The following TMEM45A variants were observed in gnomAD, a reference collection of about 807,000 sequenced individuals.
The protein encoded by TMEM45A is transmembrane protein 45A, also known as DNA polymerase-transactivated protein 4.
In TMEM45A, 25 loss-of-function variants were observed where a neutral mutation model predicts 32.0. The ratio of observed to expected loss-of-function variants is 0.78; its 90% CI spans 0.57 to 1.09. The LOEUF (loss-of-function observed/expected upper bound fraction) is 1.09. TMEM45A is among the 50% of genes least tolerant of loss of function. The probability of loss-of-function intolerance (pLI) is 0.00; values close to 1 mark genes in which losing one functional copy is unlikely to be tolerated. For missense variants in TMEM45A, 302 were observed against 325.0 expected (o/e 0.93, Z 0.54); for synonymous variants, 122 against 114.8 (o/e 1.06, Z -0.40).
intron 1 of TMEM45A, among the ~76,000 whole-genome samples, chr3:100,506,678 A>T (rs879288176): frequency 2.0e-4 from 30 of 152,208 alleles, no homozygotes; most frequent in Non-Finnish European, 2.1e-4. Context: ...TTGCCATTGC[A>T]TTATGGTAAG....
chr3:100,519,181 T>G, intron 1 of TMEM45A: 1 of 190,566 alleles, frequency 5.2e-6, no homozygotes, highest in East Asian at 1.2e-4. Flanking sequence ...AAGAGAGTTT[T>G]CTGGAGCTGT....
chr3:100,561,174 A>G (rs376563672), intron 4 of TMEM45A, among the ~76,000 whole-genome samples: 6 of 152,214 alleles, frequency 3.9e-5, no homozygotes, highest in African/African-American at 1.4e-4. Context: ...CTCTGAAACA[A>G]AACTGTCTAG....
chr3:100,540,837 G>C (rs1447018864), intron 1 of TMEM45A, among the ~76,000 whole-genome samples: 1 of 151,940 alleles, frequency 6.6e-6, no homozygotes, highest in Non-Finnish European at 1.5e-5. Flanking sequence ...TTTTCTTTTG[G>C]GTATATACCC....
rs1035712344 is a variant in TMEM45A, at chr3:100,577,271, A to G, written c.*253A>G. The G allele has an allele frequency of 3.0e-6, 1 of 336,838 alleles. No individual in the cohort carries two copies. Among genetic ancestry groups the G allele is most frequent in the Admixed American group, 4.9e-5 (1 of 20,394 alleles). 20.9% of individuals were successfully genotyped at this position (336,838 alleles called of 1,614,324 possible). ...AGGGGCTAGAGTGATTTTTTTCCAG[A>G]TTATCTAAAGTTGGATGCCCACACT... On this transcript the variant is annotated 3_prime_UTR_variant, in exon 6 of 6. Coordinates refer to ENST00000323523, the MANE Select transcript of TMEM45A (RefSeq NM_018004.3).
intron 1 of TMEM45A, among the ~76,000 whole-genome samples, chr3:100,526,219 G>A (rs940189412): frequency 6.6e-6 from 1 of 152,156 alleles, no homozygotes; most frequent in Non-Finnish European, 1.5e-5. Flanking sequence ...GCTTCTGGAC[G>A]TCTCTCACTT....
At chr3:100,565,597 AAAGGGCCATTGC>A (rs1204757169) in intron 4 of TMEM45A, among the ~76,000 whole-genome samples, 1 of 152,182 alleles carries the variant, frequency 6.6e-6, no homozygotes, top group Non-Finnish European at 1.5e-5. Context: ...ACATCCTTGA[AAAGGGCCATTGC>A]AAGGAGACAC....
intron 4 of TMEM45A, among the ~76,000 whole-genome samples, chr3:100,565,714 A>G (rs900402235): frequency 1.3e-5 from 2 of 152,218 alleles, no homozygotes; most frequent in African/African-American, 2.4e-5. Flanking sequence ...TTAGTTCCAG[A>G]AACCTGCAAT....
intron 1 of TMEM45A, among the ~76,000 whole-genome samples, chr3:100,534,571 G>T (rs748964036): frequency 6.6e-6 from 1 of 152,210 alleles, no homozygotes; most frequent in Non-Finnish European, 1.5e-5. Context: ...CTGCAGCCCC[G>T]AGAGGGAACG....
intron 1 of TMEM45A, among the ~76,000 whole-genome samples, chr3:100,494,410 T>A (rs1406663655): frequency 6.6e-6 from 1 of 152,102 alleles, no homozygotes; most frequent in African/African-American, 2.4e-5. Context: ...GACCATGAGG[T>A]CAGGAGATCG....
chr3:100,548,021 A>T (rs1372770436), intron 1 of TMEM45A, among the ~76,000 whole-genome samples: 1 of 152,172 alleles, frequency 6.6e-6, no homozygotes, highest in African/African-American at 2.4e-5. Flanking sequence ...GGATGGTTTT[A>T]GTTATTTAAA....
At chr3:100,508,949 A>G (rs1414445159) in intron 1 of TMEM45A, among the ~76,000 whole-genome samples, 2 of 152,220 alleles carry the variant, frequency 1.3e-5, no homozygotes, top group African/African-American at 2.4e-5. Context: ...ACACATAACA[A>G]AAACAAAAAT....
At chr3:100,525,017 T>C (rs908473031) in intron 1 of TMEM45A, among the ~76,000 whole-genome samples, 2 of 151,978 alleles carry the variant, frequency 1.3e-5, no homozygotes, top group African/African-American at 4.8e-5. Context: ...AGTGAGACCT[T>C]GTCTTTAAAA....
intron 1 of TMEM45A, among the ~76,000 whole-genome samples, chr3:100,542,141 T>C (rs1705895297): frequency 6.6e-6 from 1 of 152,220 alleles, no homozygotes; most frequent in Admixed American, 6.5e-5. Context: ...TTTGGGTTCT[T>C]TTTTGATTCC....
At chr3:100,513,116 C>A (rs1217165125) in intron 1 of TMEM45A, among the ~76,000 whole-genome samples, 2 of 149,628 alleles carry the variant, frequency 1.3e-5, no homozygotes, top group Non-Finnish European at 3.0e-5. Flanking sequence ...TCCTCCCTAA[C>A]TCATTTTATG....
intron 4 of TMEM45A, among the ~76,000 whole-genome samples, chr3:100,562,250 ATAAAT>A (rs1458778781): frequency 1.3e-5 from 2 of 152,144 alleles, no homozygotes; most frequent in African/African-American, 2.4e-5. Context: ...ATATAAGGAA[ATAAAT>A]TAAGACGACA....
intron 1 of TMEM45A, among the ~76,000 whole-genome samples, chr3:100,533,958 T>A (rs1705696447): frequency 6.6e-6 from 1 of 152,120 alleles, no homozygotes; most frequent in Non-Finnish European, 1.5e-5. Flanking sequence ...CTGGGTCCAC[T>A]CAGACTAATT....
At chr3:100,505,524 G>A (rs180692348) in intron 1 of TMEM45A, among the ~76,000 whole-genome samples, 20 of 152,296 alleles carry the variant, frequency 1.3e-4, no homozygotes, top group South Asian at 1.0e-3. Context: ...AGCAAAGTGC[G>A]TCTTTGCCAA....
chr3:100,507,935 G>A (rs1478219862), intron 1 of TMEM45A, among the ~76,000 whole-genome samples: 1 of 150,658 alleles, frequency 6.6e-6, no homozygotes, highest in Non-Finnish European at 1.5e-5. Flanking sequence ...CCACAAAAGA[G>A]GACCAAAACA....
intron 2 of TMEM45A, 57 bp downstream of exon 2, chr3:100,555,458 A>G: frequency 6.7e-7 from 1 of 1,492,070 alleles, no homozygotes; most frequent in South Asian, 1.4e-5. Flanking sequence ...ATTCTTTTAA[A>G]GAATTGGTTG....
Sources: gnomAD v4.1 joint callset for allele counts (sites outside exome capture counted in the v4.1 genomes callset) on GRCh38, gnomAD v4.1.1 for gene constraint, MANE v1.5 for transcripts, NCBI Gene and HGNC (gene_info 2026-07-23, HGNC 2026-07-21) for gene names.